The following SLC4A4 variants were observed in gnomAD, a reference collection of about 807,000 sequenced individuals.
SLC4A4 encodes the protein solute carrier family 4 member 4, also known as electrogenic sodium bicarbonate cotransporter 1.
A neutral mutation model predicts 111.5 loss-of-function variants in SLC4A4; 27 were observed. The ratio of observed to expected loss-of-function variants is 0.24; its 90% CI spans 0.18 to 0.33. The LOEUF is 0.33. Ranked by LOEUF, SLC4A4 falls within the 10% of genes least tolerant of loss-of-function variation. The pLI, the probability that SLC4A4 is intolerant of heterozygous loss-of-function variation, is 1.00. For missense variants in SLC4A4, 909 were observed against 1,315.5 expected (o/e 0.69, Z 4.78); for synonymous variants, 443 against 463.4 (o/e 0.96, Z 0.57).
At position 71,162,790 on chromosome 4, in the gene SLC4A4, A is replaced by G. The variant is rs17746318; in HGVS notation, c.-2+69998A>G. Reference sequence around the variant, plus strand: ...GGCTACCATGTGTGGTCAAACTTTTATTACGTAAGGTTAGAGAGACAAGAC... The same window carrying G: ...GGCTACCATGTGTGGTCAAACTTTTGTTACGTAAGGTTAGAGAGACAAGAC... On this transcript the variant is annotated intron_variant, in intron 2 of 26. Transcript: ENST00000649996. Among the ~76,000 whole-genome samples the G allele has an allele frequency of 7.5e-3, 1,138 of 152,314 alleles. 8 individuals are homozygous for G. Among genetic ancestry groups the G allele is most frequent in the African/African-American group, 0.017 (722 of 41,564 alleles).
At chr4:71,214,454 G>A (rs1167897934) in intron 1 of SLC4A4, among the ~76,000 whole-genome samples, 2 of 152,162 alleles carry the variant, frequency 1.3e-5, no homozygotes, top group East Asian at 3.9e-4. Context: ...ATGGGGCAGA[G>A]AGACAGGATA....
chr4:71,444,184 G>A (rs1469323007), intron 8 of SLC4A4, among the ~76,000 whole-genome samples: 1 of 152,152 alleles, frequency 6.6e-6, no homozygotes, highest in Non-Finnish European at 1.5e-5. Context: ...AGGAAGGCTA[G>A]CTCCTTTTCT....
At chr4:71,435,564 C>G (rs1454433234) in intron 7 of SLC4A4, among the ~76,000 whole-genome samples, 7 of 152,182 alleles carry the variant, frequency 4.6e-5, no homozygotes, top group Non-Finnish European at 1.0e-4. Context: ...CAAATGGGAT[C>G]TAATTAAACA....
At chr4:71,294,118 G>A (rs903283227) in intron 3 of SLC4A4, among the ~76,000 whole-genome samples, 4 of 152,148 alleles carry the variant, frequency 2.6e-5, no homozygotes, top group Non-Finnish European at 5.9e-5. Context: ...TGTTAGTAAC[G>A]ACCTTCAATT....
chr4:71,130,777 CTAACA>C (rs1378161272), intron 2 of SLC4A4, among the ~76,000 whole-genome samples: 1 of 152,174 alleles, frequency 6.6e-6, no homozygotes, highest in Admixed American at 6.6e-5. Context: ...CTCACTGCAC[CTAACA>C]TAAGTCTATG....
At chr4:71,120,729 G>A (rs1037307814) in intron 2 of SLC4A4, among the ~76,000 whole-genome samples, 5 of 152,332 alleles carry the variant, frequency 3.3e-5, no homozygotes, top group Non-Finnish European at 5.9e-5. Context: ...TTAGCCAGGC[G>A]TGGTGGCGGG....
At chr4:71,103,541 T>C (rs1203761523) in intron 2 of SLC4A4, among the ~76,000 whole-genome samples, 1 of 151,996 alleles carries the variant, frequency 6.6e-6, no homozygotes, top group African/African-American at 2.4e-5. Flanking sequence ...CCTCAGCAAA[T>C]GTAAAAGAAC....
chr4:71,553,346 C>T (rs1174510141), intron 20 of SLC4A4, among the ~76,000 whole-genome samples: 1 of 151,794 alleles, frequency 6.6e-6, no homozygotes, highest in Non-Finnish European at 1.5e-5. Flanking sequence ...TGGAACTAAG[C>T]ACCAAGGCAA....
At chr4:71,159,464 C>G (rs960261912) in intron 2 of SLC4A4, among the ~76,000 whole-genome samples, 2 of 152,072 alleles carry the variant, frequency 1.3e-5, no homozygotes, top group African/African-American at 4.8e-5. Context: ...ACCTCTGCCT[C>G]CTGGTTCTTG....
intron 16 of SLC4A4, among the ~76,000 whole-genome samples, chr4:71,499,602 A>G (rs10007989): frequency 0.013 from 2,039 of 152,254 alleles, 47 homozygotes; most frequent in African/African-American, 0.046. Flanking sequence ...CGCCTCCAGT[A>G]GGCACCATTC....
At chr4:71,419,290 C>T (rs2149015888) in intron 7 of SLC4A4, among the ~76,000 whole-genome samples, 1 of 152,318 alleles carries the variant, frequency 6.6e-6, no homozygotes, top group Non-Finnish European at 1.5e-5. Context: ...TGTGCCCTGC[C>T]CCCAGAGGTG....
chr4:71,085,321 G>A (rs1742128355), intron 1 of SLC4A4, among the ~76,000 whole-genome samples: 1 of 151,944 alleles, frequency 6.6e-6, no homozygotes, highest in Admixed American at 6.6e-5. Context: ...TGTCAGATGA[G>A]TGGGTTGCAA....
intron 2 of SLC4A4, among the ~76,000 whole-genome samples, chr4:71,109,710 G>T (rs759154355): frequency 2.7e-4 from 41 of 151,856 alleles, no homozygotes; most frequent in African/African-American, 7.7e-4. Flanking sequence ...ACCAGGCTAC[G>T]TTTTGTATTT....
chr4:71,340,684 A>T (rs2148890920), intron 4 of SLC4A4, among the ~76,000 whole-genome samples: 1 of 151,962 alleles, frequency 6.6e-6, no homozygotes, highest in African/African-American at 2.4e-5. Context: ...GTTTACTTTG[A>T]CTCTGTTGCC....
In SLC4A4 at chr4:71,266,616, A is replaced by G. The variant is rs772392182; in HGVS notation, c.253+11217A>G. ...AATAAGCTAATGTAACTGCTTTTCG[A>G]CTCTTTTTTTTCTGGCCAGAAAGCC... is the stretch of plus-strand genomic sequence containing the variant. On this transcript the variant is annotated intron_variant, in intron 3 of 25. Transcript: ENST00000264485. Among the ~76,000 whole-genome samples, 5 of 151,552 alleles carry G rather than the reference A, an allele frequency of 3.3e-5. No individual in the cohort carries two copies. In the South Asian group the frequency reaches 1.1e-3, roughly 32 times the overall value.
chr4:71,297,738 C>T (rs1381981165), intron 3 of SLC4A4, among the ~76,000 whole-genome samples: 1 of 151,844 alleles, frequency 6.6e-6, no homozygotes, highest in Admixed American at 6.6e-5. Flanking sequence ...CAGGGATGTG[C>T]CACCACCCCT....
intron 12 of SLC4A4, among the ~76,000 whole-genome samples, chr4:71,458,430 T>G (rs1379493284): frequency 6.6e-6 from 1 of 152,120 alleles, no homozygotes; most frequent in East Asian, 1.9e-4. Flanking sequence ...AAGCACAGTC[T>G]AGAGTGAAGA....
At chr4:71,228,599 T>G (rs997587634) in intron 1 of SLC4A4, among the ~76,000 whole-genome samples, 1 of 152,226 alleles carries the variant, frequency 6.6e-6, no homozygotes, top group Non-Finnish European at 1.5e-5. Flanking sequence ...TCTGGGATTT[T>G]GTATTCAGTT....
At chr4:71,404,722 A>T (rs1720680198) in intron 7 of SLC4A4, among the ~76,000 whole-genome samples, 1 of 152,180 alleles carries the variant, frequency 6.6e-6, no homozygotes, top group African/African-American at 2.4e-5. Context: ...AGAAAACAGC[A>T]ATACCTTGTG....
Sources: allele counts gnomAD v4.1 joint callset (sites outside exome capture counted in the v4.1 genomes callset), GRCh38; gene constraint gnomAD v4.1.1; transcripts MANE v1.5; gene names NCBI Gene and HGNC (gene_info 2026-07-23, HGNC 2026-07-21).